SPMIP7: variants seen among roughly 807,000 people sequenced by gnomAD.
SPMIP7 encodes protein SPMIP7.
At chr7:50,127,067 C>G in the SPMIP7 span, among the ~76,000 whole-genome samples, 1 of 151,876 alleles carries the variant, frequency 6.6e-6, no homozygotes, top group Non-Finnish European at 1.5e-5. Context: ...ACACAGAGAC[C>G]AATGGAACAG....
the SPMIP7 span, among the ~76,000 whole-genome samples, chr7:50,157,263 G>A: frequency 6.6e-6 from 1 of 152,318 alleles, no homozygotes; most frequent in African/African-American, 2.4e-5. Flanking sequence ...GATGAACATT[G>A]GGATGGAATG....
chr7:50,134,689 A>C, the SPMIP7 span, among the ~76,000 whole-genome samples: 1 of 152,324 alleles, frequency 6.6e-6, no homozygotes, highest in South Asian at 2.1e-4. Context: ...ATAGATTGCT[A>C]TCTGATGTTG....
the SPMIP7 span, among the ~76,000 whole-genome samples, chr7:50,125,135 CACACACAT>C: frequency 0.1 from 3,818 of 38,354 alleles, 435 homozygotes; most frequent in African/African-American, 0.22. Flanking sequence ...CACACACACA[CACACACAT>C]ATACACACAT....
the SPMIP7 span, among the ~76,000 whole-genome samples, chr7:50,145,618 GTATATATATATATATATATATA>G: frequency 1.1e-4 from 3 of 27,712 alleles, no homozygotes; most frequent in African/African-American, 1.5e-4. Context: ...ATATGTGTGT[GTATATATATATATATATATATA>G]TATATATATA....
chr7:50,109,622 G>A, the SPMIP7 span, among the ~76,000 whole-genome samples: 9 of 152,164 alleles, frequency 5.9e-5, no homozygotes, highest in South Asian at 2.1e-4. Context: ...TGATCCACCC[G>A]CCTCGGCCTC....
chr7:50,158,603 G>C, the SPMIP7 span, among the ~76,000 whole-genome samples: 1 of 151,962 alleles, frequency 6.6e-6, no homozygotes, highest in East Asian at 1.9e-4. Context: ...TCTTCTCCAG[G>C]CCTCTGGGTG....
chr7:50,143,225 C>T, the SPMIP7 span, among the ~76,000 whole-genome samples: 8 of 144,050 alleles, frequency 5.6e-5, no homozygotes, highest in East Asian at 1.2e-3. Flanking sequence ...AGTGCAGTGG[C>T]GTGATCTCGG....
chr7:50,132,884 C>T, the SPMIP7 span, among the ~76,000 whole-genome samples: 410 of 152,148 alleles, frequency 2.7e-3, 1 homozygote, highest in African/African-American at 8.8e-3. Flanking sequence ...ATTCTTGTAT[C>T]GTAAACACCT....
the SPMIP7 span, among the ~76,000 whole-genome samples, chr7:50,153,034 GAC>G: frequency 1.3e-5 from 2 of 152,178 alleles, no homozygotes; most frequent in African/African-American, 4.8e-5. Flanking sequence ...CACTGTTCAA[GAC>G]ACTGAAGATA....
chr7:50,101,994 C>G, the SPMIP7 span, among the ~76,000 whole-genome samples: 4 of 152,194 alleles, frequency 2.6e-5, no homozygotes, highest in African/African-American at 9.7e-5. Flanking sequence ...GGAACGTCAT[C>G]TCGGTCTTCT....
chr7:50,151,730 G>A, the SPMIP7 span, among the ~76,000 whole-genome samples: 2 of 152,220 alleles, frequency 1.3e-5, no homozygotes, highest in Non-Finnish European at 2.9e-5. Context: ...TTCCTACTGA[G>A]GGGAACTTTA....
At chr7:50,147,457 G>C in the SPMIP7 span, among the ~76,000 whole-genome samples, 1 of 152,220 alleles carries the variant, frequency 6.6e-6, no homozygotes, top group South Asian at 2.1e-4. Flanking sequence ...TATGACACAA[G>C]ATTGTTGTGA....
chr7:50,112,339 G>T, the SPMIP7 span, among the ~76,000 whole-genome samples: 2 of 152,028 alleles, frequency 1.3e-5, no homozygotes, highest in Non-Finnish European at 2.9e-5. Flanking sequence ...CATGGTTTCT[G>T]GACCTTGGCA....
At chr7:50,151,317 C>T in the SPMIP7 span, 1 of 719,668 alleles carries the variant, frequency 1.4e-6, no homozygotes, top group Non-Finnish European at 2.3e-6. Context: ...AGTTCCACAC[C>T]TCATACAGGA....
the SPMIP7 span, among the ~76,000 whole-genome samples, chr7:50,115,486 C>T: frequency 3.3e-5 from 5 of 152,208 alleles, no homozygotes; most frequent in East Asian, 9.6e-4. Context: ...GCACACAGAA[C>T]ATTCACTGAG....
chr7:50,158,458 G>C, the SPMIP7 span, among the ~76,000 whole-genome samples: 137,435 of 146,826 alleles, frequency 0.94, 64,676 homozygotes, highest in Non-Finnish European at 0.99. Context: ...CCCTCCCACC[G>C]ATGTCTTCTT....
the SPMIP7 span, among the ~76,000 whole-genome samples, chr7:50,123,412 T>G: frequency 8.9e-6 from 1 of 112,176 alleles, no homozygotes; most frequent in Non-Finnish European, 1.8e-5. Context: ...CTCTGGGGAC[T>G]GTTGTGGGGT....
the SPMIP7 span, chr7:50,129,719 T>C: frequency 2.6e-6 from 4 of 1,543,442 alleles, no homozygotes; most frequent in South Asian, 4.8e-5. Context: ...CCTTCTAGGA[T>C]GAAGGTGAAC....
At chr7:50,143,426 CA>C in the SPMIP7 span, among the ~76,000 whole-genome samples, 1 of 152,188 alleles carries the variant, frequency 6.6e-6, no homozygotes, top group African/African-American at 2.4e-5. Flanking sequence ...CTCGGCCTCC[CA>C]AAGTGCTGGG....
Sources: gnomAD v4.1 joint callset for allele counts (sites outside exome capture counted in the v4.1 genomes callset) on GRCh38, gnomAD v4.1.1 for gene constraint, MANE v1.5 for transcripts, NCBI Gene and HGNC (gene_info 2026-07-23, HGNC 2026-07-21) for gene names.